The following MAP2K3 variants were observed in gnomAD, a reference collection of about 807,000 sequenced individuals.
The protein encoded by MAP2K3 is mitogen-activated protein kinase kinase 3, also known as dual specificity mitogen-activated protein kinase kinase 3.
MAP2K3 carries 30 observed loss-of-function variants against 46.4 expected under a neutral mutation model. The ratio of observed to expected loss-of-function variants is 0.65; its 90% CI spans 0.48 to 0.88. MAP2K3 has a LOEUF of 0.88. Among genes scored for constraint, MAP2K3 ranks in the 40% least tolerant of loss-of-function variants. The pLI is 0.00. For missense variants in MAP2K3, 380 were observed against 464.5 expected (o/e 0.82, Z 1.67); for synonymous variants, 189 against 176.3 (o/e 1.07, Z -0.57).
chr17:21,286,958 A>G (rs1157054356), intron 1 of MAP2K3, among the ~76,000 whole-genome samples: 1 of 152,134 alleles, frequency 6.6e-6, no homozygotes, highest in African/African-American at 2.4e-5. Flanking sequence ...CTTTTTTTCC[A>G]TGTGCCATGC....
chr17:21,301,714 C>T (rs988455258), intron 5 of MAP2K3, among the ~76,000 whole-genome samples: 1 of 152,308 alleles, frequency 6.6e-6, no homozygotes, highest in Non-Finnish European at 1.5e-5. Flanking sequence ...GGAGGGTCCT[C>T]AGGAGTTCAC....
intron 5 of MAP2K3, 80 bp from the exon 6 acceptor site, chr17:21,302,063 C>T (rs1976633650): frequency 2.2e-6 from 3 of 1,393,426 alleles, no homozygotes; most frequent in East Asian, 2.3e-5. Flanking sequence ...GGGGCTGGGG[C>T]TGGTGCTGGG....
At chr17:21,313,744 G>C in intron 11 of MAP2K3, 1 of 609,266 alleles carries the variant, frequency 1.6e-6, no homozygotes, top group Non-Finnish European at 2.9e-6. Context: ...CCTGGGAAGG[G>C]TACACAGGCA....
At position 21,298,601 on chromosome 17, in the gene MAP2K3, C is replaced by T. The variant is rs1976402867; in HGVS notation, c.116+122C>T. 4 of 1,500,682 alleles carry T rather than the reference C, an allele frequency of 2.7e-6. No individual in the cohort carries two copies. The Admixed American group carries it at 5.0e-5, about 19-fold the overall frequency. The allele number at this position is 1,500,682 out of a possible 1,614,324, so 93.0% of individuals were successfully genotyped here. A position where few individuals can be genotyped will look rare whatever the true frequency, so the allele number is the denominator to read the frequency against. On this transcript the variant is annotated intron_variant, in intron 2 of 11. Transcript: ENST00000342679. ...TTACCTCGTCCTGTCCTGGGCAGCC[C>T]CTGCTGTGCATACAGCCAGGTGACG...
chr17:21,285,682 T>G lies in MAP2K3; in HGVS notation c.49+713T>G, dbSNP rs183711058. On this transcript the variant is annotated intron_variant, in intron 1 of 11. Transcript: ENST00000342679. ...CCTCTCTACCGGCCTCTCTCTGTCT[T>G]GAGTTGCAAGCTTCTCCCTGCACTG... 2.1e-3 allele frequency among the ~76,000 whole-genome samples: 325 copies of G among 152,282 alleles called. 1 individual carries two copies. The highest frequency in any genetic ancestry group is 4.0e-3 in the Non-Finnish European group (273 of 68,004).
At chr17:21,313,421 G>T in intron 10 of MAP2K3, 71 bp from the exon 11 acceptor site, 1 of 1,328,052 alleles carries the variant, frequency 7.5e-7, no homozygotes, top group South Asian at 1.2e-5. Flanking sequence ...ATCCTGGGGT[G>T]GTTTGGCTGG....
chr17:21,303,377 C>G (rs1271509722), intron 7 of MAP2K3, 143 bp downstream of exon 7: 6 of 1,195,702 alleles, frequency 5.0e-6, no homozygotes, highest in East Asian at 2.6e-5. Flanking sequence ...AGCCGCTTTC[C>G]ACCTGCAGCC....
intron 9 of MAP2K3, among the ~76,000 whole-genome samples, chr17:21,306,034 G>A (rs1158675947): frequency 2.6e-5 from 4 of 152,366 alleles, no homozygotes; most frequent in African/African-American, 4.8e-5. Context: ...GGTGAGAAGC[G>A]CTGGCGGGGT....
intron 9 of MAP2K3, among the ~76,000 whole-genome samples, chr17:21,305,472 CA>C: frequency 6.6e-6 from 1 of 152,222 alleles, no homozygotes; most frequent in Non-Finnish European, 1.5e-5. Flanking sequence ...AAGATCTTTT[CA>C]AAAATATTTC....
In MAP2K3 at chr17:21,298,875, C is replaced by T. The variant is rs1359991963; in HGVS notation, c.117-3C>T. 37 of 1,614,304 alleles carry T rather than the reference C, an allele frequency of 2.3e-5. No homozygotes were observed. The highest frequency in any genetic ancestry group is 2.9e-5 in the Non-Finnish European group (34 of 1,180,044). ...AAGCTCACGGAGTCTTCTTTCTCCA[C>T]AGACCCCCCCGGAACCTGGACTCCC... is the stretch of plus-strand genomic sequence containing the variant. On this transcript the variant is annotated splice_region_variant and splice_polypyrimidine_tract_variant and intron_variant, in intron 2 of 11. Transcript: ENST00000342679.
intron 1 of MAP2K3, among the ~76,000 whole-genome samples, chr17:21,286,051 C>T (rs532959571): frequency 6.6e-6 from 1 of 152,354 alleles, no homozygotes; most frequent in African/African-American, 2.4e-5. Flanking sequence ...CCCCAGCAAG[C>T]TCCCTGGTGT....
chr17:21,306,452 C>T (rs1226463605), intron 9 of MAP2K3, among the ~76,000 whole-genome samples: 8 of 152,284 alleles, frequency 5.3e-5, no homozygotes, highest in African/African-American at 1.9e-4. Flanking sequence ...CTGGTACCTC[C>T]CTGTGCTTGC....
chr17:21,313,562 C>T (rs773754291), intron 11 of MAP2K3, 25 bp downstream of exon 11: 1 of 1,603,504 alleles, frequency 6.2e-7, no homozygotes, highest in Non-Finnish European at 8.5e-7. Flanking sequence ...GAGGTGCCTG[C>T]CCTGCTCTTC....
chr17:21,297,819 T>A (rs1253986117), intron 1 of MAP2K3, among the ~76,000 whole-genome samples: 2 of 890 alleles, frequency 2.2e-3, no homozygotes, highest in East Asian at 0.056. Context: ...GAGCCAGCGC[T>A]TTTCAGGGGA....
intron 3 of MAP2K3, among the ~76,000 whole-genome samples, chr17:21,300,298 T>C (rs1448455629): frequency 6.6e-6 from 1 of 152,310 alleles, no homozygotes; most frequent in Non-Finnish European, 1.5e-5. Flanking sequence ...CGGGGCATTT[T>C]GTCTCAGTCA....
At chr17:21,313,860 C>T (rs1173735488) in intron 11 of MAP2K3, 2 of 572,332 alleles carry the variant, frequency 3.5e-6, no homozygotes, top group East Asian at 5.8e-5. Context: ...GGGTTATCTC[C>T]TGATGGAGAG....
intron 2 of MAP2K3, 25 bp downstream of exon 2, chr17:21,298,504 G>C: frequency 6.2e-7 from 1 of 1,614,310 alleles, no homozygotes; most frequent in Non-Finnish European, 8.5e-7. Context: ...GTTTCTCCCT[G>C]GCTCACCCTG....
Position 21,284,872 on chromosome 17 carries a change from C to T in MAP2K3, c.-49C>T, listed in dbSNP as rs200000922. On this transcript the variant is annotated 5_prime_UTR_variant, in exon 1 of 12. Transcript: ENST00000342679. Reference sequence around the variant, plus strand: ...GAGCGTGCTCGGCCCCGGTGGAGCCCGCAGTCCTCTAGATTAGTCTCCACC... The same window carrying T: ...GAGCGTGCTCGGCCCCGGTGGAGCCTGCAGTCCTCTAGATTAGTCTCCACC... 8.2e-4 allele frequency: 1,304 copies of T among 1,597,872 alleles called. 6 individuals carry two copies. The African/African-American group carries it at 0.015, about 18-fold the overall frequency.
chr17:21,304,217 C>T (rs1389699718), intron 7 of MAP2K3, among the ~76,000 whole-genome samples: 4 of 152,310 alleles, frequency 2.6e-5, no homozygotes, highest in Non-Finnish European at 5.9e-5. Flanking sequence ...CCCTGAGGAC[C>T]AAGTATGACT....
Sources: gnomAD v4.1 joint callset for allele counts (sites outside exome capture counted in the v4.1 genomes callset) on GRCh38, gnomAD v4.1.1 for gene constraint, MANE v1.5 for transcripts, NCBI Gene and HGNC (gene_info 2026-07-23, HGNC 2026-07-21) for gene names.